Variants in NKAIN2 observed in about 807,000 individuals in gnomAD.
NKAIN2 encodes the protein sodium/potassium transporting ATPase interacting 2, also known as sodium/potassium-transporting ATPase subunit beta-1-interacting protein 2.
Under a neutral mutation model 32.6 loss-of-function variants are expected in NKAIN2, and 14 were observed. The observed-to-expected ratio is 0.43, with a 90% CI of 0.28 to 0.67. The LOEUF is 0.67. Ranked by LOEUF, NKAIN2 falls within the 30% of genes least tolerant of loss-of-function variation. The pLI is 0.17. For synonymous variants in NKAIN2, 80 were observed against 87.2 expected (o/e 0.92, Z 0.46); for missense variants, 198 against 258.3 (o/e 0.77, Z 1.60).
chr6:124,298,630 G>A (rs1359985782), intron 2 of NKAIN2, among the ~76,000 whole-genome samples: 1 of 152,096 alleles, frequency 6.6e-6, no homozygotes, highest in Admixed American at 6.6e-5. Flanking sequence ...ATTCATCTGG[G>A]ATAAACAGAA....
At chr6:123,885,451 G>T (rs891945244) in intron 1 of NKAIN2, among the ~76,000 whole-genome samples, 12 of 152,034 alleles carry the variant, frequency 7.9e-5, no homozygotes, top group Admixed American at 5.9e-4. Flanking sequence ...GTTTAGGTAG[G>T]AATTTTTGTC....
At chr6:123,807,011 G>A (rs546281095) in intron 1 of NKAIN2, among the ~76,000 whole-genome samples, 2 of 152,000 alleles carry the variant, frequency 1.3e-5, no homozygotes, top group South Asian at 2.1e-4. Flanking sequence ...GACCAGACAC[G>A]GTGTTTTGAC....
At chr6:124,819,106 A>G in intron 6 of NKAIN2, 1 of 967,142 alleles carries the variant, frequency 1.0e-6, no homozygotes, top group Non-Finnish European at 1.2e-6. Context: ...TTGGATAACA[A>G]CTGATAACAA....
intron 4 of NKAIN2, among the ~76,000 whole-genome samples, chr6:124,716,106 A>G (rs1474948105): frequency 2.0e-5 from 3 of 152,204 alleles, no homozygotes; most frequent in Non-Finnish European, 4.4e-5. Context: ...ATACACAGAG[A>G]AGTTACATAC....
chr6:124,677,914 C>G (rs1773438814), intron 4 of NKAIN2, among the ~76,000 whole-genome samples: 1 of 152,008 alleles, frequency 6.6e-6, no homozygotes. Flanking sequence ...GCCATAAACT[C>G]CTTCAGTTTT....
chr6:123,862,883 A>G (rs55685356), intron 1 of NKAIN2, among the ~76,000 whole-genome samples: 38,097 of 152,084 alleles, frequency 0.25, 5,656 homozygotes, highest in Non-Finnish European at 0.33. Flanking sequence ...ACTGTACGGT[A>G]AAGTCTTTGT....
chr6:123,813,323 C>T (rs1003739799), intron 1 of NKAIN2, among the ~76,000 whole-genome samples: 17 of 152,102 alleles, frequency 1.1e-4, no homozygotes, highest in South Asian at 2.1e-4. Flanking sequence ...TAATTCATCC[C>T]GGTGGGCATA....
chr6:124,286,411 T>G (rs1224897980), intron 2 of NKAIN2, among the ~76,000 whole-genome samples: 1 of 152,178 alleles, frequency 6.6e-6, no homozygotes, highest in Non-Finnish European at 1.5e-5. Context: ...AGGCTTTTAC[T>G]ATATAATTAA....
intron 3 of NKAIN2, among the ~76,000 whole-genome samples, chr6:124,412,718 T>C (rs1234848634): frequency 6.6e-6 from 1 of 152,196 alleles, no homozygotes; most frequent in African/African-American, 2.4e-5. Flanking sequence ...CAGGGACATT[T>C]AAGTCTGCAG....
rs531804182 is a variant in NKAIN2, at chr6:123,900,666, C to A, written c.54+96412C>A. 2.1e-5 allele frequency among the ~76,000 whole-genome samples: 3 copies of A among 142,840 alleles called. No individual in the cohort carries two copies. In the East Asian group the frequency reaches 6.9e-4, roughly 33 times the overall value. The allele number at this position is 142,840 out of a possible 152,430, so 93.7% of individuals were successfully genotyped here. Reference sequence around the variant, plus strand: ...GTCTTCAAGCTTAGTTTTTGACATACAAAAGGAGGCAATGAAGAAATTTGG... The same window carrying A: ...GTCTTCAAGCTTAGTTTTTGACATAAAAAAGGAGGCAATGAAGAAATTTGG... On this transcript the variant is annotated intron_variant, in intron 1 of 6. Transcript: ENST00000368417.
chr6:123,809,800 T>A (rs1163202383), intron 1 of NKAIN2, among the ~76,000 whole-genome samples: 2 of 152,174 alleles, frequency 1.3e-5, no homozygotes, highest in South Asian at 4.1e-4. Flanking sequence ...AGGTATAGAC[T>A]CTTTTTGTTT....
chr6:123,854,561 A>G (rs558179209), intron 1 of NKAIN2, among the ~76,000 whole-genome samples: 7 of 152,174 alleles, frequency 4.6e-5, no homozygotes, highest in Non-Finnish European at 1.0e-4. Flanking sequence ...AAGTACTTTT[A>G]TATGCCAGGT....
intron 4 of NKAIN2, among the ~76,000 whole-genome samples, chr6:124,682,873 C>G (rs1336786012): frequency 1.3e-5 from 2 of 152,176 alleles, no homozygotes; most frequent in Non-Finnish European, 2.9e-5. Flanking sequence ...AAGATTACCT[C>G]TTTGCTTTAC....
At chr6:123,940,976 C>A (rs235680) in intron 1 of NKAIN2, among the ~76,000 whole-genome samples, 1 of 151,816 alleles carries the variant, frequency 6.6e-6, no homozygotes. Context: ...TTGTACAGCT[C>A]TACGAATTTT....
At chr6:124,626,094 T>TCCCCCCCCCCCCCCCC (rs145583253) in intron 3 of NKAIN2, among the ~76,000 whole-genome samples, 2 of 90,592 alleles carry the variant, frequency 2.2e-5, no homozygotes, top group Admixed American at 1.4e-4. Context: ...CCCTCCCCAC[T>TCCCCCCCCCCCCCCCC]CCCCACACCC....
chr6:124,667,521 T>G (rs1772863922), intron 4 of NKAIN2, among the ~76,000 whole-genome samples: 1 of 152,082 alleles, frequency 6.6e-6, no homozygotes, highest in Non-Finnish European at 1.5e-5. Flanking sequence ...GTTTTTGGCC[T>G]TGAATAAAAG....
chr6:124,188,445 C>T (rs1789855051), intron 1 of NKAIN2, among the ~76,000 whole-genome samples: 1 of 152,156 alleles, frequency 6.6e-6, no homozygotes, highest in Non-Finnish European at 1.5e-5. Flanking sequence ...GTAAAATAAT[C>T]TCTTTTACTC....
intron 1 of NKAIN2, among the ~76,000 whole-genome samples, chr6:123,919,438 G>A (rs948720256): frequency 6.6e-6 from 1 of 152,060 alleles, no homozygotes; most frequent in Admixed American, 6.6e-5. Context: ...TCTAAATATA[G>A]AACAGTTACT....
chr6:123,882,826 AAAAAC>A (rs140373631), intron 1 of NKAIN2, among the ~76,000 whole-genome samples: 10,020 of 152,162 alleles, frequency 0.066, 1,025 homozygotes, highest in African/African-American at 0.22. Flanking sequence ...TAAGGAGAAG[AAAAAC>A]AAAACAAAAC....
Sources: gnomAD v4.1 joint callset for allele counts (sites outside exome capture counted in the v4.1 genomes callset) on GRCh38, gnomAD v4.1.1 for gene constraint, MANE v1.5 for transcripts, NCBI Gene and HGNC (gene_info 2026-07-23, HGNC 2026-07-21) for gene names.